Variants in DNAI2 observed in about 807,000 individuals in gnomAD.
DNAI2 encodes the protein dynein axonemal intermediate chain 2.
A neutral mutation model predicts 74.7 loss-of-function variants in DNAI2; 63 were observed. The observed-to-expected ratio is 0.84, with a 90% CI of 0.69 to 1.04. DNAI2 has a LOEUF of 1.04. DNAI2 is among the 50% of genes least tolerant of loss of function. The pLI is 0.00. For synonymous variants in DNAI2, 289 were observed against 314.9 expected (o/e 0.92, Z 0.87); for missense variants, 688 against 803.2 (o/e 0.86, Z 1.73).
chr17:74,295,037 T>G (rs4375697), intron 6 of DNAI2, among the ~76,000 whole-genome samples: 83,224 of 151,788 alleles, frequency 0.55, 24,793 homozygotes, highest in Non-Finnish European at 0.7. Context: ...CTGTAGCTTC[T>G]CTGCTATATT....
chr17:74,290,968 C>A, intron 5 of DNAI2, 52 bp from the exon 6 acceptor site: 2 of 1,527,212 alleles, frequency 1.3e-6, no homozygotes, highest in Non-Finnish European at 1.8e-6. Flanking sequence ...ACTGGTTGAT[C>A]CTGTCCTTTT....
rs1277549958 is a variant in DNAI2, at chr17:74,276,348, C to T, written c.-12+2003C>T. Among the ~76,000 whole-genome samples, 7 of 152,174 alleles carry T rather than the reference C, an allele frequency of 4.6e-5. No individual in the cohort carries two copies. In the East Asian group the frequency reaches 5.8e-4, roughly 13 times the overall value. On this transcript the variant is annotated intron_variant, in intron 1 of 13. Coordinates refer to ENST00000311014, the MANE Select transcript of DNAI2 (RefSeq NM_023036.6). ...GTTTGAGACTCACAGTGGTGTTCTT[C>T]ACGCCTCTGGGACTCTAGGTTCCCA...
At chr17:74,282,145 A>G in intron 2 of DNAI2, 145 bp downstream of exon 2, 1 of 966,708 alleles carries the variant, frequency 1.0e-6, no homozygotes, top group Non-Finnish European at 1.6e-6. Context: ...GTGAGGGCAG[A>G]GGCTCCCCCT....
intron 1 of DNAI2, among the ~76,000 whole-genome samples, chr17:74,275,891 A>G (rs2051042559): frequency 6.6e-6 from 1 of 152,030 alleles, no homozygotes; most frequent in Non-Finnish European, 1.5e-5. Flanking sequence ...CTGTCCCAAA[A>G]GCAACAACAA....
chr17:74,281,831 A>T lies in DNAI2; in HGVS notation c.14A>T (p.Tyr5Phe). MEIV[Y>F]VYVKKRSEFG... is the part of the protein sequence containing the mutation. ...GCAGCCGGCACCATGGAGATTGTGT[A>T]CGTGTACGTCAAGAAGCGCAGCGAG... The change falls in exon 2 of 14, where the codon TAC (tyrosine) becomes TTC (phenylalanine). Residue 5 changes from tyrosine (Y) to phenylalanine (F), a missense_variant. Coordinates refer to ENST00000311014, the MANE Select transcript of DNAI2 (RefSeq NM_023036.6). The T allele has an allele frequency of 6.2e-7, 1 of 1,613,908 alleles. No homozygotes were observed. Among genetic ancestry groups the T allele is most frequent in the Non-Finnish European group, 8.5e-7 (1 of 1,179,996 alleles).
In DNAI2 at chr17:74,291,004, T is replaced by A. The variant is rs562945643; in HGVS notation, c.611-16T>A. 15 of 1,611,898 alleles carry A rather than the reference T, an allele frequency of 9.3e-6. No individual in the cohort carries two copies. The South Asian group carries it at 1.5e-4, about 17-fold the overall frequency. On this transcript the variant is annotated splice_polypyrimidine_tract_variant and intron_variant, in intron 5 of 13. Transcript: ENST00000311014. ...CTTTCCGGGCCTGGTGGGGATAATT[T>A]TTTTGTGCTTTATAGAAAACCCCAA... is the stretch of plus-strand genomic sequence containing the variant.
intron 10 of DNAI2, chr17:74,309,727 AG>A (rs1377729663): frequency 3.2e-6 from 2 of 629,248 alleles, no homozygotes; most frequent in African/African-American, 3.6e-5. Context: ...CCTTCATGTC[AG>A]GGTGGCCAGA....
At chr17:74,305,182 C>G (rs759983526) in intron 8 of DNAI2, 37 bp from the exon 9 acceptor site, 2 of 1,603,400 alleles carry the variant, frequency 1.2e-6, no homozygotes, top group East Asian at 2.2e-5. Context: ...ATTGATGGTT[C>G]GTGGAGTCTT....
chr17:74,309,426 A>G (rs754125549), intron 10 of DNAI2, 38 bp downstream of exon 10: 26 of 1,613,672 alleles, frequency 1.6e-5, no homozygotes, highest in Non-Finnish European at 2.1e-5. Flanking sequence ...CCAGGTCCTC[A>G]GGGAGCCAGG....
At chr17:74,282,498 G>A (rs907356036) in intron 2 of DNAI2, among the ~76,000 whole-genome samples, 1 of 152,098 alleles carries the variant, frequency 6.6e-6, no homozygotes, top group Non-Finnish European at 1.5e-5. Flanking sequence ...ATGAGGTTTT[G>A]CCATGTTGCC....
chr17:74,291,509 G>A lies in DNAI2; in HGVS notation c.724+376G>A, dbSNP rs1297365774. Reference sequence around the variant, plus strand: ...GAGCCAATCCTGCTGCTATAGGGCAGAGCCCACATGGCAGCCTGGGCTCGG... The same window carrying A: ...GAGCCAATCCTGCTGCTATAGGGCAAAGCCCACATGGCAGCCTGGGCTCGG... On this transcript the variant is annotated intron_variant, in intron 6 of 13. Coordinates refer to ENST00000311014, the MANE Select transcript of DNAI2 (RefSeq NM_023036.6). Among the ~76,000 whole-genome samples, 3 of 152,216 alleles carry A rather than the reference G, an allele frequency of 2.0e-5. No individual in the cohort carries two copies. The East Asian group carries it at 5.8e-4, about 29-fold the overall frequency.
At chr17:74,309,080 G>T (rs1305578777) in intron 9 of DNAI2, among the ~76,000 whole-genome samples, 173 bp from the exon 10 acceptor site, 1 of 132,316 alleles carries the variant, frequency 7.6e-6, no homozygotes, top group Non-Finnish European at 1.6e-5. Context: ...AAAAAAAAAA[G>T]CAACCTGTGA....
intron 6 of DNAI2, among the ~76,000 whole-genome samples, chr17:74,298,230 G>T (rs1399723476): frequency 6.6e-6 from 1 of 152,240 alleles, no homozygotes; most frequent in African/African-American, 2.4e-5. Context: ...AGGGCCATGT[G>T]GGACCCAGTG....
rs2052746325 is a variant in DNAI2, at chr17:74,301,287, C to A, written c.987+119C>A. On this transcript the variant is annotated intron_variant, in intron 8 of 13. Coordinates refer to ENST00000311014, the MANE Select transcript of DNAI2 (RefSeq NM_023036.6). ...ACCCAGCACCAGCCCAGGGAGGCCA[C>A]CCTCACTGCAGCCATCCTAGACGTG... 3 of 1,455,484 alleles carry A rather than the reference C, an allele frequency of 2.1e-6. No individual in the cohort carries two copies. In the South Asian group the frequency reaches 3.4e-5, roughly 17 times the overall value. 90.2% of individuals were successfully genotyped at this position (1,455,484 alleles called of 1,614,324 possible). A position where few individuals can be genotyped will look rare whatever the true frequency, so the allele number is the denominator to read the frequency against.
At chr17:74,295,264 A>T in intron 6 of DNAI2, among the ~76,000 whole-genome samples, 1 of 136,996 alleles carries the variant, frequency 7.3e-6, no homozygotes, top group Non-Finnish European at 1.6e-5. Context: ...CAGCCAGGTG[A>T]GGTGGAGTGC....
Position 74,314,613 on chromosome 17 carries a change from A to G in DNAI2, c.*80A>G. On this transcript the variant is annotated 3_prime_UTR_variant, in exon 14 of 14. Transcript: ENST00000311014. ...GACCCTCAACCAGACTTGCATGGCC[A>G]TGGCAGGGCCTCGGGAAGACCTTCA... is the stretch of plus-strand genomic sequence containing the variant. 1 of 256,900 alleles carries G rather than the reference A, an allele frequency of 3.9e-6. No homozygotes were observed. Among genetic ancestry groups the G allele is most frequent in the Non-Finnish European group, 7.9e-6 (1 of 127,074 alleles). 15.9% of individuals were successfully genotyped at this position (256,900 alleles called of 1,614,324 possible). A position where few individuals can be genotyped will look rare whatever the true frequency, so the allele number is the denominator to read the frequency against.
At position 74,305,703 on chromosome 17, in the gene DNAI2, C is replaced by G. The variant is rs544942894; in HGVS notation, c.1211+261C>G. Among the ~76,000 whole-genome samples the G allele has an allele frequency of 1.4e-3, 186 of 130,792 alleles. 1 individual carries two copies. The highest frequency in any genetic ancestry group is 4.7e-3 in the African/African-American group (160 of 34,184). The allele number at this position is 130,792 out of a possible 152,430, so 85.8% of individuals were successfully genotyped here. A position where few individuals can be genotyped will look rare whatever the true frequency, so the allele number is the denominator to read the frequency against. On this transcript the variant is annotated intron_variant, in intron 9 of 13. Transcript: ENST00000311014. ...TTTTTTTTTTTTTTTGAGACAGTCT[C>G]GCTTAGTTCCCCAGACTGAGTGCAG... is the stretch of plus-strand genomic sequence containing the variant.
At position 74,314,190 on chromosome 17, in the gene DNAI2, G is replaced by A. The variant is rs1170946149; in HGVS notation, c.1792G>A (p.Glu598Lys). The change falls in exon 13 of 14, where the codon GAA becomes AAA. Residue 598 changes from glutamate (E) to lysine (K), a missense_variant. By Grantham distance (56) the Glu-to-Lys change is moderately conservative. Coordinates refer to ENST00000311014, the MANE Select transcript of DNAI2 (RefSeq NM_023036.6). ...GEEAAGEEGD[E>K]EVEEDLA ...GGAAGCAGCGGGGGAAGAAGGGGAT[G>A]AAGAAGTGGAAGAAGACTTAGCCTA... The A allele has an allele frequency of 1.5e-5, 24 of 1,614,092 alleles. No homozygotes were observed. The highest frequency in any genetic ancestry group is 2.0e-5 in the Non-Finnish European group (24 of 1,180,018).
At chr17:74,281,636 A>AT (rs759577580) in intron 1 of DNAI2, 171 bp from the exon 2 acceptor site, 821 of 603,346 alleles carry the variant, frequency 1.4e-3, no homozygotes, top group Non-Finnish European at 1.8e-3. Context: ...GGCACTCAGG[A>AT]TTTTTTTTTA....
Sources: allele counts gnomAD v4.1 joint callset (sites outside exome capture counted in the v4.1 genomes callset), GRCh38; gene constraint gnomAD v4.1.1; transcripts MANE v1.5; gene names NCBI Gene and HGNC (gene_info 2026-07-23, HGNC 2026-07-21).